The following SH3RF3 variants were observed in gnomAD, a reference collection of about 807,000 sequenced individuals.
SH3RF3 encodes SH3 domain containing ring finger 3.
Under a neutral mutation model 66.3 loss-of-function variants are expected in SH3RF3, and 29 were observed. That is an observed-to-expected ratio of 0.44 (90% CI 0.33 to 0.60). The LOEUF is 0.60. SH3RF3 is among the 20% of genes least tolerant of loss of function. SH3RF3 has a pLI of 0.04. For synonymous variants in SH3RF3, 583 were observed against 532.0 expected (o/e 1.10, Z -1.32); for missense variants, 1,194 against 1,190.9 (o/e 1.00, Z -0.04).
At chr2:109,312,378 C>T (rs1194058092) in intron 1 of SH3RF3, among the ~76,000 whole-genome samples, 3 of 152,114 alleles carry the variant, frequency 2.0e-5, no homozygotes, top group Non-Finnish European at 2.9e-5. Flanking sequence ...ATACTTATAA[C>T]ATGAAAGTCA....
At chr2:109,473,910 C>T (rs577883423) in intron 8 of SH3RF3, among the ~76,000 whole-genome samples, 4 of 152,310 alleles carry the variant, frequency 2.6e-5, no homozygotes, top group Non-Finnish European at 5.9e-5. Context: ...ATCAGCAGTG[C>T]TGTCATTACC....
At chr2:109,441,983 G>T (rs144128751) in intron 7 of SH3RF3, among the ~76,000 whole-genome samples, 2,269 of 149,326 alleles carry the variant, frequency 0.015, 35 homozygotes, top group Middle Eastern at 0.065. Flanking sequence ...GAATTATTCA[G>T]AAATAGTAAA....
At chr2:109,299,888 A>G (rs1408109297) in intron 1 of SH3RF3, among the ~76,000 whole-genome samples, 1 of 152,252 alleles carries the variant, frequency 6.6e-6, no homozygotes, top group Non-Finnish European at 1.5e-5. Flanking sequence ...ATGAAAATTC[A>G]GAACTCCTGA....
chr2:109,318,651 A>G (rs573822829), intron 1 of SH3RF3, among the ~76,000 whole-genome samples: 3 of 152,164 alleles, frequency 2.0e-5, no homozygotes, highest in Admixed American at 6.5e-5. Flanking sequence ...GTCAGCTGTG[A>G]GATCAGAGTC....
At position 109,490,706 on chromosome 2, in the gene SH3RF3, G is replaced by A; in HGVS notation, c.2250G>A (p.Val750=). 1 of 1,533,488 alleles carries A rather than the reference G, an allele frequency of 6.5e-7. No homozygotes were observed. The highest frequency in any genetic ancestry group is 8.7e-7 in the Non-Finnish European group (1 of 1,144,250). 95.0% of individuals were successfully genotyped at this position (1,533,488 alleles called of 1,614,324 possible). A position where few individuals can be genotyped will look rare whatever the true frequency, so the allele number is the denominator to read the frequency against. The change falls in exon 9 of 10, where the codon GTG becomes GTA. Residue 750 remains valine (V), a synonymous_variant. Coordinates refer to ENST00000309415, the MANE Select transcript of SH3RF3 (RefSeq NM_001099289.3). ...PSVSPTHDPQ[V]AVDALLQGAV... ...TGTCTCCAACCCACGACCCCCAGGT[G>A]GCCGTGGACGCCCTGCTCCAAGGTG...
In SH3RF3 at chr2:109,391,161, T is replaced by C. The variant is rs116161841; in HGVS notation, c.946-7429T>C. ...TGTCAACTCTTCCAAAAGCCTTGCC[T>C]GTACTCAGGCTTTACGTGCAAAATT... On this transcript the variant is annotated intron_variant, in intron 3 of 9. Coordinates refer to ENST00000309415, the MANE Select transcript of SH3RF3 (RefSeq NM_001099289.3). 6.3e-3 allele frequency among the ~76,000 whole-genome samples: 964 copies of C among 152,374 alleles called. 12 individuals are homozygous for C. Among genetic ancestry groups the C allele is most frequent in the African/African-American group, 0.022 (907 of 41,588 alleles).
chr2:109,475,711 C>G (rs1177148069), intron 8 of SH3RF3, among the ~76,000 whole-genome samples: 1 of 152,228 alleles, frequency 6.6e-6, no homozygotes, highest in Non-Finnish European at 1.5e-5. Context: ...GCTGCTGCAC[C>G]CCAGCTGTGA....
At chr2:109,495,552 A>T (rs1679236979) in intron 9 of SH3RF3, among the ~76,000 whole-genome samples, 1 of 128,932 alleles carries the variant, frequency 7.8e-6, no homozygotes, top group East Asian at 2.2e-4. Flanking sequence ...GCAGCGGTGC[A>T]ATCTTGGCCC....
At chr2:109,447,064 C>T (rs1677726083) in intron 7 of SH3RF3, among the ~76,000 whole-genome samples, 1 of 150,674 alleles carries the variant, frequency 6.6e-6, no homozygotes, top group South Asian at 2.1e-4. Context: ...GATTGCCTGA[C>T]CTGCTCTCCT....
chr2:109,484,386 C>T (rs1164470145), intron 8 of SH3RF3, among the ~76,000 whole-genome samples: 1 of 152,118 alleles, frequency 6.6e-6, no homozygotes, highest in African/African-American at 2.4e-5. Context: ...CCTTTCTTAC[C>T]TCACCAGGCA....
intron 9 of SH3RF3, among the ~76,000 whole-genome samples, chr2:109,498,508 GC>G (rs542398844): frequency 1.3e-3 from 205 of 152,310 alleles, no homozygotes; most frequent in African/African-American, 4.8e-3. Flanking sequence ...TGGCTTCTGC[GC>G]CCCAGGCTCT....
intron 1 of SH3RF3, among the ~76,000 whole-genome samples, chr2:109,278,288 C>T (rs1188941957): frequency 4.6e-5 from 7 of 152,214 alleles, no homozygotes; most frequent in African/African-American, 7.2e-5. Flanking sequence ...GGGCCCCGTG[C>T]TTCAGCCACC....
At chr2:109,270,234 A>G (rs184657577) in intron 1 of SH3RF3, among the ~76,000 whole-genome samples, 6 of 152,268 alleles carry the variant, frequency 3.9e-5, no homozygotes, top group African/African-American at 1.4e-4. Flanking sequence ...GGGGGTGAGG[A>G]TGCTGGTTAG....
At chr2:109,467,665 T>TA (rs1296303744) in intron 8 of SH3RF3, among the ~76,000 whole-genome samples, 2 of 152,266 alleles carry the variant, frequency 1.3e-5, no homozygotes, top group Non-Finnish European at 2.9e-5. Context: ...TTTGTGAGTA[T>TA]ATAGATTTTA....
At chr2:109,385,879 G>A (rs989834592) in intron 3 of SH3RF3, among the ~76,000 whole-genome samples, 2 of 144,848 alleles carry the variant, frequency 1.4e-5, no homozygotes, top group Admixed American at 7.0e-5. Context: ...AAAAAGAGAT[G>A]GACGTTTGGT....
intron 8 of SH3RF3, among the ~76,000 whole-genome samples, chr2:109,473,145 A>G (rs547948841): frequency 9.2e-5 from 14 of 152,320 alleles, no homozygotes; most frequent in African/African-American, 3.4e-4. Context: ...CATTAACTCA[A>G]GTTAACTCTT....
At chr2:109,437,733 C>T (rs771365390) in intron 7 of SH3RF3, among the ~76,000 whole-genome samples, 76 of 151,670 alleles carry the variant, frequency 5.0e-4, no homozygotes, top group African/African-American at 1.7e-3. Flanking sequence ...TAAGGAAAAC[C>T]GGTTTGGCCC....
At chr2:109,347,235 A>G (rs1358291434) in intron 1 of SH3RF3, among the ~76,000 whole-genome samples, 1 of 152,212 alleles carries the variant, frequency 6.6e-6, no homozygotes, top group African/African-American at 2.4e-5. Context: ...AAAATGATTC[A>G]GCATAGAGTA....
At chr2:109,184,442 G>C (rs375475745) in intron 1 of SH3RF3, among the ~76,000 whole-genome samples, 2 of 152,344 alleles carry the variant, frequency 1.3e-5, no homozygotes. Context: ...CTATTGCTGT[G>C]GCGGGGCCCT....
Sources: allele counts gnomAD v4.1 joint callset (sites outside exome capture counted in the v4.1 genomes callset), GRCh38; gene constraint gnomAD v4.1.1; transcripts MANE v1.5; gene names NCBI Gene and HGNC (gene_info 2026-07-23, HGNC 2026-07-21).